The following PDGFRB variants were observed in gnomAD, a reference collection of about 807,000 sequenced individuals.
PDGFRB encodes platelet derived growth factor receptor beta, also known as platelet-derived growth factor receptor beta.
PDGFRB carries 42 observed loss-of-function variants against 120.2 expected under a neutral mutation model. The ratio of observed to expected loss-of-function variants is 0.35; its 90% CI spans 0.27 to 0.45. The LOEUF (loss-of-function observed/expected upper bound fraction) is 0.45. Among genes scored for constraint, PDGFRB ranks in the 20% least tolerant of loss-of-function variants. The pLI is 1.00. For synonymous variants in PDGFRB, 586 were observed against 606.8 expected (o/e 0.97, Z 0.50); for missense variants, 1,149 against 1,476.3 (o/e 0.78, Z 3.63).
At position 150,148,526 on chromosome 5, in the gene PDGFRB, G is replaced by C. The variant is rs185815937; in HGVS notation, c.-7+6871C>G. ...GACATATGGCACTCTGAAGCCAACA[G>C]GCTGCGCCTGATGCCATCCAGGGCA... On this transcript the variant is annotated intron_variant, in intron 1 of 22. Transcript: ENST00000261799. Among the ~76,000 whole-genome samples the C allele has an allele frequency of 5.7e-3, 867 of 152,378 alleles. 4 individuals are homozygous for C. Among genetic ancestry groups the C allele is most frequent in the Middle Eastern group, 0.01 (3 of 294 alleles).
chr5:150,150,852 G>A (rs1376190073), intron 1 of PDGFRB, among the ~76,000 whole-genome samples: 2 of 152,084 alleles, frequency 1.3e-5, no homozygotes, highest in Non-Finnish European at 2.9e-5. Context: ...TGAAATTAGA[G>A]CATATGAGGT....
In PDGFRB at chr5:150,122,161, T is replaced by A. The variant is rs1760159659; in HGVS notation, c.2184-121A>T. On this transcript the variant is annotated intron_variant, in intron 15 of 22. Coordinates refer to ENST00000261799, the MANE Select transcript of PDGFRB (RefSeq NM_002609.4). ...CACTCACTCATCTTCCTTCAGTCTA[T>A]CCCAGTAGGAAAGCCTGTGGATCAA... 5 of 743,056 alleles carry A rather than the reference T, an allele frequency of 6.7e-6. No individual in the cohort carries two copies. In the South Asian group the frequency reaches 8.8e-5, roughly 13 times the overall value. The allele number at this position is 743,056 out of a possible 1,614,324, so 46.0% of individuals were successfully genotyped here. A position where few individuals can be genotyped will look rare whatever the true frequency, so the allele number is the denominator to read the frequency against.
intron 1 of PDGFRB, among the ~76,000 whole-genome samples, chr5:150,142,921 A>C (rs956034149): frequency 2.6e-5 from 4 of 152,078 alleles, no homozygotes; most frequent in Admixed American, 6.5e-5. Context: ...CTACGTGATA[A>C]GAGGAAGTGA....
In PDGFRB at chr5:150,129,772, T is replaced by C. The variant is rs1760404400; in HGVS notation, c.1564A>G (p.Ile522Val). 3 of 1,612,966 alleles carry C rather than the reference T, an allele frequency of 1.9e-6. No homozygotes were observed. The highest frequency in any genetic ancestry group is 1.7e-5 in the Admixed American group (1 of 59,992). The change falls in exon 10 of 23, where the codon ATC becomes GTC. Residue 522 changes from isoleucine to valine, a missense_variant. Around this residue, in one of 3 missense-constraint regions of PDGFRB, gnomAD observed 879 missense variants for 1,108.6 expected, o/e 0.79. Coordinates refer to ENST00000261799, the MANE Select transcript of PDGFRB (RefSeq NM_002609.4). ...NAVGQDTQEV[I>V]VVPHSLPFKV... is the part of the protein sequence containing the mutation. Reference sequence around the variant, plus strand: ...GGGGACTCACAGTGTGGCACCACGATGACCTCCTGCGTGTCCTGGCCCACA... The same window carrying C: ...GGGGACTCACAGTGTGGCACCACGACGACCTCCTGCGTGTCCTGGCCCACA...
At chr5:150,122,300 C>T in intron 15 of PDGFRB, 1 of 458,362 alleles carries the variant, frequency 2.2e-6, no homozygotes, top group Non-Finnish European at 4.0e-6. Context: ...GCAAAGGTCA[C>T]AAGACGGGTG....
chr5:150,134,754 G>C lies in PDGFRB; in HGVS notation c.627C>G (p.Leu209=), dbSNP rs759772925. 10 of 1,610,392 alleles carry C rather than the reference G, an allele frequency of 6.2e-6. No individual in the cohort carries two copies. The highest frequency in any genetic ancestry group is 8.5e-6 in the Non-Finnish European group (10 of 1,178,064). Residue 209 remains leucine, a synonymous_variant, in exon 4 of 23, where the codon CTC becomes CTG. Coordinates refer to ENST00000261799, the MANE Select transcript of PDGFRB (RefSeq NM_002609.4). ...CAGGCCAGAAAGGGGGCTCACCCTG[G>C]AGTCTGTAGACATAGTAGGCATCAG... ...VDSDAYYVYR[L]QVSSINVSVN...
At chr5:150,123,688 T>C (rs950459586) in intron 14 of PDGFRB, among the ~76,000 whole-genome samples, 1 of 152,236 alleles carries the variant, frequency 6.6e-6, no homozygotes, top group African/African-American at 2.4e-5. Flanking sequence ...TGAGCGATCA[T>C]TGCAAACGTG....
At chr5:150,118,311 C>A (rs1030839753) in intron 21 of PDGFRB, among the ~76,000 whole-genome samples, 1 of 152,158 alleles carries the variant, frequency 6.6e-6, no homozygotes, top group Admixed American at 6.5e-5. Context: ...CTCACTTGGA[C>A]CCGTGTTGTT....
rs1046190209 is a variant in PDGFRB at position 150,132,259 on chromosome 5, C to T, written c.1128-165G>A. ...TCAAACCAGGTCTCGTAAATCCTCACCCACAGGCAGTTCCCCTAGGCCAAG... is the reference window on the plus strand; with the variant it reads ...TCAAACCAGGTCTCGTAAATCCTCATCCACAGGCAGTTCCCCTAGGCCAAG... On this transcript the variant is annotated intron_variant, in intron 7 of 22. Transcript: ENST00000261799. This position sits in a 1 kb window ranked among gnomAD's most constrained non-coding sequence, Gnocchi z 5.0. 1.3e-5 allele frequency among the ~76,000 whole-genome samples: 2 copies of T among 152,166 alleles called. No homozygotes were observed. Among genetic ancestry groups the T allele is most frequent in the Admixed American group, 1.3e-4 (2 of 15,280 alleles).
chr5:150,123,083 C>G lies in PDGFRB; in HGVS notation c.2142G>C (p.Glu714Asp). The change falls in exon 15 of 23, where the codon GAG (glutamate) becomes GAC (aspartate). Residue 714 changes from glutamate (E) to aspartate (D), a missense_variant. Glu to Asp is a conservative substitution (Grantham distance 45, BLOSUM62 2). Transcript: ENST00000261799. ...CAACGGGCAGAGCATTGCTGTAGAG[C>G]TCCGCGCTGGGCGGGCGGCGCTTGT... ...HSDKRRPPSAELYSNALPVGL... is the reference protein window; with the variant it reads ...HSDKRRPPSADLYSNALPVGL... The G allele has an allele frequency of 6.2e-7, 1 of 1,613,854 alleles. No individual in the cohort carries two copies. The highest frequency in any genetic ancestry group is 8.5e-7 in the Non-Finnish European group (1 of 1,179,994).
At chr5:150,117,558 A>G (rs1397618458) in intron 22 of PDGFRB, 60 bp downstream of exon 22, 48 of 919,096 alleles carry the variant, frequency 5.2e-5, no homozygotes, top group Middle Eastern at 3.1e-4. Flanking sequence ...ACACACACAC[A>G]CACACACACA....
At chr5:150,127,512 A>G (rs913970676) in intron 10 of PDGFRB, among the ~76,000 whole-genome samples, 8 of 152,208 alleles carry the variant, frequency 5.3e-5, no homozygotes, top group Admixed American at 3.3e-4. Flanking sequence ...TTGTTGAATT[A>G]CTAAGTGAAT....
At chr5:150,131,640 T>C (rs1580806688) in intron 8 of PDGFRB, among the ~76,000 whole-genome samples, 1 of 152,246 alleles carries the variant, frequency 6.6e-6, no homozygotes, top group East Asian at 1.9e-4. Flanking sequence ...TTCAAGAACC[T>C]TGAAGAGACA....
At chr5:150,123,375 A>G (rs560703388) in intron 14 of PDGFRB, among the ~76,000 whole-genome samples, 174 bp from the exon 15 acceptor site, 2 of 152,330 alleles carry the variant, frequency 1.3e-5, no homozygotes, top group East Asian at 3.9e-4. Context: ...AGAGCAAGGT[A>G]CTTAGTCTCC....
At position 150,124,258 on chromosome 5, in the gene PDGFRB, G is replaced by A. The variant is rs1248220427; in HGVS notation, c.2015C>T (p.Thr672Ile). The A allele has an allele frequency of 1.2e-6, 2 of 1,612,026 alleles. No homozygotes were observed. Among genetic ancestry groups the A allele is most frequent in the Non-Finnish European group, 1.7e-6 (2 of 1,178,164 alleles). The change falls in exon 14 of 23, where the codon ACC becomes ATC. Residue 672 changes from threonine to isoleucine, a missense_variant. Coordinates refer to ENST00000261799, the MANE Select transcript of PDGFRB (RefSeq NM_002609.4). ...LNVVNLLGACTKGGPIYIITE... is the reference protein window; with the variant it reads ...LNVVNLLGACIKGGPIYIITE... ...GGCAGTGGGCTCGGTACCTCCTTTG[G>A]TGCAGGCCCCCAACAGGTTGACCAC...
intron 10 of PDGFRB, among the ~76,000 whole-genome samples, chr5:150,129,072 G>T (rs751371339): frequency 6.6e-6 from 1 of 152,192 alleles, no homozygotes; most frequent in Non-Finnish European, 1.5e-5. Context: ...GATGTACATT[G>T]TACAGCAGGC....
rs1465873945 is a variant in PDGFRB at position 150,155,839 on chromosome 5, G to T, written c.-449C>A. ...CCAGATAGGGCGGGCAGTCACTGCTGGCTGCTGGCAGCCTCAGGAGCTCAC... is the reference window on the plus strand; with the variant it reads ...CCAGATAGGGCGGGCAGTCACTGCTTGCTGCTGGCAGCCTCAGGAGCTCAC... On this transcript the variant is annotated 5_prime_UTR_variant, in exon 1 of 23. Coordinates refer to ENST00000261799, the MANE Select transcript of PDGFRB (RefSeq NM_002609.4). 2.5e-6 allele frequency: 1 copy of T among 396,938 alleles called. No individual in the cohort carries two copies. The highest frequency in any genetic ancestry group is 3.6e-5 in the East Asian group (1 of 28,022). 24.6% of individuals were successfully genotyped at this position (396,938 alleles called of 1,614,324 possible).
intron 1 of PDGFRB, chr5:150,137,367 G>A (rs1760662443): frequency 3.5e-6 from 1 of 286,380 alleles, no homozygotes; most frequent in South Asian, 6.6e-5. Flanking sequence ...GTGAGGGAGG[G>A]GAAGTTGGGC....
Position 150,114,830 on chromosome 5 carries a change from T to C in PDGFRB, c.*933A>G, listed in dbSNP as rs531952172. ...CTTATTCATTTTTTGAAGGGGAAACTGAGGCCCAGAGAGGGTGAGGGATTC... is the reference window on the plus strand; with the variant it reads ...CTTATTCATTTTTTGAAGGGGAAACCGAGGCCCAGAGAGGGTGAGGGATTC... On this transcript the variant is annotated 3_prime_UTR_variant, in exon 23 of 23. Coordinates refer to ENST00000261799, the MANE Select transcript of PDGFRB (RefSeq NM_002609.4). 4.6e-4 allele frequency: 107 copies of C among 233,694 alleles called. No homozygotes were observed. Among genetic ancestry groups the C allele is most frequent in the Middle Eastern group, 1.1e-3 (1 of 904 alleles). 14.5% of individuals were successfully genotyped at this position (233,694 alleles called of 1,614,324 possible). A position where few individuals can be genotyped will look rare whatever the true frequency, so the allele number is the denominator to read the frequency against.
Sources: allele counts gnomAD v4.1 joint callset (sites outside exome capture counted in the v4.1 genomes callset), GRCh38; gene constraint gnomAD v4.1.1; regional missense constraint gnomAD v4.1.1; non-coding constraint Gnocchi (gnomAD v3.1); transcripts MANE v1.5; gene names NCBI Gene and HGNC (gene_info 2026-07-23, HGNC 2026-07-21).